The following BET1 variants were observed in gnomAD, a reference collection of about 807,000 sequenced individuals.
BET1 encodes the protein BET1 homolog.
BET1 carries 9 observed loss-of-function variants against 13.9 expected under a neutral mutation model. The ratio of observed to expected loss-of-function variants is 0.65; its 90% CI spans 0.39 to 1.13. The LOEUF is 1.13. Among genes scored for constraint, BET1 ranks in the 50% most tolerant of loss-of-function variants. BET1 has a pLI of 0.01. For missense variants in BET1, 127 were observed against 133.6 expected (o/e 0.95, Z 0.24); for synonymous variants, 39 against 47.3 (o/e 0.82, Z 0.72).
At position 93,994,394 on chromosome 7, in the gene BET1, G is replaced by A; in HGVS notation, c.202-9C>T. The A allele has an allele frequency of 6.2e-7, 1 of 1,607,210 alleles. No individual in the cohort carries two copies. Among genetic ancestry groups the A allele is most frequent in the Non-Finnish European group, 8.5e-7 (1 of 1,176,780 alleles). On this transcript the variant is annotated splice_polypyrimidine_tract_variant and intron_variant, in intron 3 of 3. Coordinates refer to ENST00000222547, the MANE Select transcript of BET1 (RefSeq NM_005868.6). ...GAATCAAATTGTGAATCCTATCAGA[G>A]ATAAAGGCAAATAAAATATCACAGT...
chr7:93,985,419 T>C (rs1462420143), intron 4 of BET1, among the ~76,000 whole-genome samples: 2 of 152,172 alleles, frequency 1.3e-5, no homozygotes, highest in Non-Finnish European at 2.9e-5. Flanking sequence ...TTAAATGAGC[T>C]AGGTTACATA....
At chr7:93,998,412 G>T (rs1795818564) in intron 2 of BET1, among the ~76,000 whole-genome samples, 3 of 152,008 alleles carry the variant, frequency 2.0e-5, no homozygotes, top group Admixed American at 6.6e-5. Flanking sequence ...GAAAACCAGG[G>T]GATAGGCCAG....
At chr7:93,992,346 T>G (rs1007324954), downstream of BET1, 4 of 985,410 alleles carry the variant, frequency 4.1e-6, no homozygotes, top group Non-Finnish European at 4.8e-6. Flanking sequence ...ATAAAATAGC[T>G]AAACAATCCT....
chr7:93,992,754 A>C, downstream of BET1: 1 of 926,418 alleles, frequency 1.1e-6, no homozygotes, highest in Non-Finnish European at 1.3e-6. Context: ...ACTTTACAAC[A>C]TATTATCTAC....
rs1795694250 is a variant in BET1 at position 93,993,859 on chromosome 7, C to T, written c.*371G>A. The T allele has an allele frequency of 6.5e-7, 1 of 1,535,442 alleles. No individual in the cohort carries two copies. The highest frequency in any genetic ancestry group is 1.4e-5 in the African/African-American group (1 of 72,994). On this transcript the variant is annotated 3_prime_UTR_variant, in exon 4 of 4. Coordinates refer to ENST00000222547, the MANE Select transcript of BET1 (RefSeq NM_005868.6). ...TACTTCAAGAGCTCAGAGTCAGGCTCTCCAGGCATTCTGTTACTCTCCCAC... is the reference window on the plus strand; with the variant it reads ...TACTTCAAGAGCTCAGAGTCAGGCTTTCCAGGCATTCTGTTACTCTCCCAC...
intron 1 of BET1, among the ~76,000 whole-genome samples, chr7:94,000,776 G>T (rs1795886418): frequency 6.6e-6 from 1 of 152,136 alleles, no homozygotes; most frequent in Non-Finnish European, 1.5e-5. Flanking sequence ...GATTAGATTG[G>T]ACAGATATTA....
chr7:93,997,037 T>G (rs552546859), intron 2 of BET1, among the ~76,000 whole-genome samples: 18 of 152,180 alleles, frequency 1.2e-4, no homozygotes, highest in Admixed American at 2.6e-4. Context: ...GTTACTTACT[T>G]CCTGAAGCTC....
intron 1 of BET1, chr7:93,999,752 T>C: frequency 2.2e-6 from 1 of 454,954 alleles, no homozygotes; most frequent in South Asian, 1.6e-5. Context: ...CTGGCATCTC[T>C]TTCTCTTAAA....
intron 5 of BET1, among the ~76,000 whole-genome samples, chr7:93,974,600 C>A (rs1795308503): frequency 1.3e-5 from 2 of 151,926 alleles, no homozygotes; most frequent in African/African-American, 4.8e-5. Flanking sequence ...AAGTAAATAT[C>A]TGTGGTGCCA....
chr7:94,001,782 A>G (rs531391149), intron 1 of BET1, among the ~76,000 whole-genome samples: 1 of 152,228 alleles, frequency 6.6e-6, no homozygotes, highest in Non-Finnish European at 1.5e-5. Flanking sequence ...AGTATATAAC[A>G]TTTACCCAAT....
chr7:94,002,539 C>G (rs1482511891), intron 1 of BET1, among the ~76,000 whole-genome samples: 1 of 150,968 alleles, frequency 6.6e-6, no homozygotes, highest in African/African-American at 2.4e-5. Flanking sequence ...TCTAATTTTA[C>G]TGGCTGAGCT....
chr7:93,985,810 TCAGATTGTCC>T (rs1234646854), intron 4 of BET1, among the ~76,000 whole-genome samples: 1 of 152,096 alleles, frequency 6.6e-6, no homozygotes, highest in Non-Finnish European at 1.5e-5. Context: ...AATTTCAGGT[TCAGATTGTCC>T]CACAATAAGA....
chr7:93,996,142 A>T (rs1224638642), intron 3 of BET1, 123 bp downstream of exon 3: 3 of 736,510 alleles, frequency 4.1e-6, no homozygotes, highest in Middle Eastern at 2.4e-4. Flanking sequence ...CAAACACATT[A>T]GATACAAATG....
chr7:93,990,328 A>G (rs932878390), downstream of BET1, among the ~76,000 whole-genome samples: 1 of 152,054 alleles, frequency 6.6e-6, no homozygotes, highest in Non-Finnish European at 1.5e-5. Context: ...ATAAATTACC[A>G]GCTGGTCGAA....
chr7:93,993,223 TAA>T (rs777938008), downstream of BET1: 4 of 980,508 alleles, frequency 4.1e-6, no homozygotes, highest in Admixed American at 1.8e-4. Context: ...ACTGAGAATG[TAA>T]AAGAGACTTA....
In BET1 at chr7:93,970,632, A is replaced by C. The variant is rs1795246333; in HGVS notation, c.*137+1943T>G. Among the ~76,000 whole-genome samples the C allele has an allele frequency of 7.9e-5, 12 of 151,784 alleles. No individual in the cohort carries two copies. The Admixed American group carries it at 7.9e-4, about 10-fold the overall frequency. ...GCCCATCTTACATTGACATCCCAAAAATGGGAATAGTGCTCCATAGTAAAC... is the reference window on the plus strand; with the variant it reads ...GCCCATCTTACATTGACATCCCAAACATGGGAATAGTGCTCCATAGTAAAC... On this transcript the variant is annotated intron_variant and NMD_transcript_variant, in intron 6 of 6. Coordinates refer to the BET1 transcript ENST00000357520.
chr7:93,964,801 A>G (rs1389476181), exon 7 of BET1: 1 of 152,116 alleles, frequency 6.6e-6, no homozygotes, highest in Non-Finnish European at 1.5e-5. Flanking sequence ...CAAAATGGCT[A>G]TTATTAAAAA....
At chr7:93,998,906 A>C (rs1795830812) in intron 2 of BET1, among the ~76,000 whole-genome samples, 1 of 152,140 alleles carries the variant, frequency 6.6e-6, no homozygotes, top group Non-Finnish European at 1.5e-5. Flanking sequence ...GCTCTGTTTG[A>C]GACATTACAG....
At chr7:93,985,536 C>T (rs985846783) in intron 4 of BET1, among the ~76,000 whole-genome samples, 3 of 152,120 alleles carry the variant, frequency 2.0e-5, no homozygotes, top group African/African-American at 7.2e-5. Flanking sequence ...TCAAACTAAA[C>T]TATTCAAACT....
Sources: gnomAD v4.1 joint callset for allele counts (sites outside exome capture counted in the v4.1 genomes callset) on GRCh38, gnomAD v4.1.1 for gene constraint, MANE v1.5 for transcripts, NCBI Gene and HGNC (gene_info 2026-07-23, HGNC 2026-07-21) for gene names.